The following MCF2L2 variants were observed in gnomAD, a reference collection of about 807,000 sequenced individuals.
MCF2L2 encodes the protein MCF.2 cell line derived transforming sequence-like 2.
A neutral mutation model predicts 150.2 loss-of-function variants in MCF2L2; 102 were observed. The observed-to-expected ratio is 0.68, with a 90% confidence interval of 0.58 to 0.80. The LOEUF (loss-of-function observed/expected upper bound fraction) is 0.80, where lower values mean the gene tolerates loss of function less well. Ranked by LOEUF, MCF2L2 falls within the 30% of genes least tolerant of loss-of-function variation. The probability of loss-of-function intolerance (pLI) is 0.00; values close to 1 mark genes in which losing one functional copy is unlikely to be tolerated. For synonymous variants in MCF2L2, 465 were observed against 491.3 expected (o/e 0.95, Z 0.71); for missense variants, 1,256 against 1,372.8 (o/e 0.91, Z 1.34).
chr3:183,215,913 T>C, intron 22 of MCF2L2, 56 bp downstream of exon 22: 2 of 1,571,668 alleles, frequency 1.3e-6, no homozygotes, highest in Non-Finnish European at 1.7e-6. Flanking sequence ...TTCCTCACTG[T>C]GTAGTATTGC....
intron 25 of MCF2L2, among the ~76,000 whole-genome samples, chr3:183,200,898 T>TGTCAGGTTTGTTTTTGTTTTTTTTTG (rs1722256254): frequency 6.6e-6 from 1 of 152,222 alleles, no homozygotes; most frequent in South Asian, 2.1e-4. Context: ...CCCTATTTCT[T>TGTCAGGTTTGTTTTTGTTTTTTTTTG]GTTTTTGTCA....
chr3:183,303,327 G>C (rs191831255), intron 10 of MCF2L2, among the ~76,000 whole-genome samples: 2 of 152,274 alleles, frequency 1.3e-5, no homozygotes, highest in Admixed American at 6.5e-5. Context: ...TACATGATGC[G>C]GTGACCTGCT....
intron 22 of MCF2L2, among the ~76,000 whole-genome samples, chr3:183,214,830 CAA>C (rs576928280): frequency 5.6e-5 from 7 of 123,926 alleles, no homozygotes; most frequent in Admixed American, 8.3e-5. Flanking sequence ...ACTAAAAATA[CAA>C]AAAAAAAAAA....
At chr3:183,350,670 C>T (rs902775906) in intron 3 of MCF2L2, among the ~76,000 whole-genome samples, 2 of 152,038 alleles carry the variant, frequency 1.3e-5, no homozygotes, top group Admixed American at 1.3e-4. Flanking sequence ...TTTGGGAGGC[C>T]GAGGCAGGTG....
rs559683156 is a variant in MCF2L2 at position 183,260,672 on chromosome 3, C to A, written c.1862+16200G>T. 3.0e-3 allele frequency among the ~76,000 whole-genome samples: 259 copies of A among 85,988 alleles called. 1 individual carries two copies. The highest frequency in any genetic ancestry group is 2.7e-3 in the Non-Finnish European group (102 of 38,444). The allele number at this position is 85,988 out of a possible 152,430, so 56.4% of individuals were successfully genotyped here. ...CATTTGAAATTCCCCGTCTTTACTTCCCCCATAACCAGGAAACAGATCTAC... is the reference window on the plus strand; with the variant it reads ...CATTTGAAATTCCCCGTCTTTACTTACCCCATAACCAGGAAACAGATCTAC... On this transcript the variant is annotated intron_variant, in intron 15 of 29. Transcript: ENST00000328913.
intron 15 of MCF2L2, among the ~76,000 whole-genome samples, chr3:183,241,591 T>C (rs1724028950): frequency 6.6e-6 from 1 of 152,224 alleles, no homozygotes; most frequent in Non-Finnish European, 1.5e-5. Context: ...CCTTCCACCA[T>C]GATTTTGAGG....
chr3:183,361,116 AG>A (rs1712171219), intron 3 of MCF2L2, among the ~76,000 whole-genome samples: 3 of 150,498 alleles, frequency 2.0e-5, no homozygotes, highest in African/African-American at 7.5e-5. Context: ...AAAAGAAAAA[AG>A]AAAAAGAAAA....
At chr3:183,351,370 T>G (rs921330336) in intron 3 of MCF2L2, among the ~76,000 whole-genome samples, 1 of 151,490 alleles carries the variant, frequency 6.6e-6, no homozygotes, top group Non-Finnish European at 1.5e-5. Context: ...TAATATACTT[T>G]CCTATGATTT....
At chr3:183,253,153 C>CT (rs1165857060) in intron 15 of MCF2L2, 1 of 88 alleles carries the variant, frequency 0.011, no homozygotes, top group Non-Finnish European at 0.019. Flanking sequence ...GGGAGGGTGG[C>CT]GGCTGGCGGG....
chr3:183,179,461 C>G lies in MCF2L2; in HGVS notation c.3264G>C (p.Thr1088=), dbSNP rs753753069. 6 of 1,597,060 alleles carry G rather than the reference C, an allele frequency of 3.8e-6. No individual in the cohort carries two copies. Among genetic ancestry groups the G allele is most frequent in the South Asian group, 1.1e-5 (1 of 89,568 alleles). The change falls in exon 30 of 30, where the codon ACG becomes ACC. Residue 1088 remains threonine (T), a synonymous_variant. Coordinates refer to ENST00000328913, the MANE Select transcript of MCF2L2 (RefSeq NM_015078.4). This position sits in a 1 kb window ranked among gnomAD's most constrained non-coding sequence, Gnocchi z 4.2. Reference sequence around the variant, plus strand: ...TCGCCCCCGCAGGAGCCAGCCGGCCCGTGGACGCCCCAGCGCGCTCCTCCT... The same window carrying G: ...TCGCCCCCGCAGGAGCCAGCCGGCCGGTGGACGCCCCAGCGCGCTCCTCCT... ...STEEERAGAS[T]GRLAPAGATA...
In MCF2L2 at chr3:183,344,387, T is replaced by C. The variant is rs143648124; in HGVS notation, c.276-2757A>G. Among the ~76,000 whole-genome samples, 5 of 152,204 alleles carry C rather than the reference T, an allele frequency of 3.3e-5. No homozygotes were observed. The East Asian group carries it at 9.6e-4, about 29-fold the overall frequency. ...AAGGAACAAGTCACAGATTGGCAGATTAAAACCCAACCATCTTAATAATCA... is the reference window on the plus strand; with the variant it reads ...AAGGAACAAGTCACAGATTGGCAGACTAAAACCCAACCATCTTAATAATCA... On this transcript the variant is annotated intron_variant, in intron 3 of 29. Transcript: ENST00000328913.
intron 12 of MCF2L2, 127 bp downstream of exon 12, chr3:183,296,849 G>A: frequency 9.5e-7 from 1 of 1,048,568 alleles, no homozygotes; most frequent in Non-Finnish European, 1.4e-6. Context: ...GAGGGCTTCG[G>A]AACCAGTGAG....
At chr3:183,248,460 T>G (rs546133508) in intron 15 of MCF2L2, among the ~76,000 whole-genome samples, 1 of 152,108 alleles carries the variant, frequency 6.6e-6, no homozygotes, top group African/African-American at 2.4e-5. Flanking sequence ...ATTGGTTGAG[T>G]GGGATTTGAA....
chr3:183,355,500 G>A (rs1365234109), intron 3 of MCF2L2, among the ~76,000 whole-genome samples: 2 of 150,768 alleles, frequency 1.3e-5, no homozygotes, highest in Non-Finnish European at 2.9e-5. Flanking sequence ...TAGGTGGAGT[G>A]CCGTGGCGCG....
At chr3:183,238,995 C>CAAAAA (rs60736939) in intron 15 of MCF2L2, among the ~76,000 whole-genome samples, 10 of 88,876 alleles carry the variant, frequency 1.1e-4, no homozygotes, top group African/African-American at 1.9e-4. Context: ...ATATCCGTCT[C>CAAAAA]AAAAAAAAAA....
chr3:183,273,514 T>A (rs1372673430), intron 15 of MCF2L2: 1 of 152,450 alleles, frequency 6.6e-6, no homozygotes, highest in Non-Finnish European at 1.5e-5. Context: ...TAGAGCCACC[T>A]AAGATGTACT....
intron 5 of MCF2L2, among the ~76,000 whole-genome samples, chr3:183,334,310 A>G (rs1730382838): frequency 1.3e-5 from 2 of 152,206 alleles, no homozygotes; most frequent in South Asian, 4.1e-4. Flanking sequence ...GGATATTTGC[A>G]TGATCTTAAA....
intron 1 of MCF2L2, among the ~76,000 whole-genome samples, chr3:183,399,578 C>T (rs1482509488): frequency 6.6e-6 from 1 of 152,204 alleles, no homozygotes; most frequent in East Asian, 1.9e-4. Flanking sequence ...AATGATGATT[C>T]TTCTCACCAG....
At chr3:183,184,432 A>G (rs1010541429) in intron 27 of MCF2L2, among the ~76,000 whole-genome samples, 8 of 152,134 alleles carry the variant, frequency 5.3e-5, no homozygotes, top group African/African-American at 1.9e-4. Flanking sequence ...TCTCTGGGGC[A>G]CTCTCAGTCT....
Sources: allele counts gnomAD v4.1 joint callset (sites outside exome capture counted in the v4.1 genomes callset), GRCh38; gene constraint gnomAD v4.1.1; non-coding constraint Gnocchi (gnomAD v3.1); transcripts MANE v1.5; gene names NCBI Gene and HGNC (gene_info 2026-07-23, HGNC 2026-07-21).